Variants in RFX7 observed in about 807,000 individuals in gnomAD.
RFX7 encodes DNA-binding protein RFX7.
Under a neutral mutation model 111.8 loss-of-function variants are expected in RFX7, and 26 were observed. The ratio of observed to expected loss-of-function variants is 0.23; its 90% CI spans 0.17 to 0.32. RFX7 has a LOEUF of 0.32. RFX7 is among the 10% of genes least tolerant of loss of function. The probability of loss-of-function intolerance (pLI) is 1.00; values close to 1 mark genes in which losing one functional copy is unlikely to be tolerated. For synonymous variants in RFX7, 624 were observed against 624.4 expected, an observed-to-expected ratio of 1.00 and a Z score of 0.01; for missense variants, 1,573 against 1,772.9, an observed-to-expected ratio of 0.89 and a Z score of 2.02.
intron 6 of RFX7, among the ~76,000 whole-genome samples, chr15:56,102,768 G>A (rs1312246371): frequency 5.3e-5 from 8 of 152,246 alleles, no homozygotes; most frequent in Admixed American, 1.3e-4. Context: ...AGAATAGGTC[G>A]TGCCAACTAG....
intron 2 of RFX7, among the ~76,000 whole-genome samples, chr15:56,227,779 T>C (rs1212248257): frequency 2.0e-5 from 3 of 152,140 alleles, no homozygotes; most frequent in Non-Finnish European, 2.9e-5. Context: ...ATAAAAGGTG[T>C]TATTTTATTT....
chr15:56,129,082 G>C (rs1216890293), intron 5 of RFX7, among the ~76,000 whole-genome samples: 1 of 152,036 alleles, frequency 6.6e-6, no homozygotes, highest in African/African-American at 2.4e-5. Context: ...TTTTTTCCTA[G>C]GTTAAAAACA....
intron 2 of RFX7, among the ~76,000 whole-genome samples, chr15:56,187,313 T>C (rs1277942447): frequency 6.6e-6 from 1 of 151,414 alleles, no homozygotes; most frequent in Non-Finnish European, 1.5e-5. Context: ...TGGGTTCAAG[T>C]GATTCTCCTG....
chr15:56,236,462 C>CTA (rs748142425), intron 2 of RFX7, among the ~76,000 whole-genome samples: 14 of 152,050 alleles, frequency 9.2e-5, no homozygotes, highest in East Asian at 5.8e-4. Flanking sequence ...GAGAAAGCAA[C>CTA]TAAAAGACTA....
Position 56,096,241 on chromosome 15 carries a change from C to T in RFX7, c.1487G>A (p.Ser496Asn), listed in dbSNP as rs756035658. 5 of 1,613,950 alleles carry T rather than the reference C, an allele frequency of 3.1e-6. No homozygotes were observed. Among genetic ancestry groups the T allele is most frequent in the Non-Finnish European group, 4.2e-6 (5 of 1,179,854 alleles). The stretch of plus-strand genomic sequence containing the variant: ...TTCTTCTGTTGTTCCTGTAGCACTG[C>T]TGACTGAGGCAGAATGTTTAAGAGG... Reference protein sequence around the residue: ...NTPLKHSASVSSATGTTEESR... With the variant: ...NTPLKHSASVNSATGTTEESR... The change falls in exon 10 of 10, where the codon AGC becomes AAC. Residue 496 changes from serine (S) to asparagine (N), a missense_variant. Ser to Asn is a conservative substitution (Grantham distance 46). Around this residue, in one of 7 missense-constraint regions of RFX7, gnomAD observed 625 missense variants for 632.2 expected, o/e 0.99. Coordinates refer to ENST00000559447, the MANE Select transcript of RFX7 (RefSeq NM_022841.7).
At chr15:56,133,848 T>G (rs773098629) in intron 5 of RFX7, among the ~76,000 whole-genome samples, 1 of 152,162 alleles carries the variant, frequency 6.6e-6, no homozygotes, top group Non-Finnish European at 1.5e-5. Flanking sequence ...ACAGAACAAC[T>G]TGAAGCTTCT....
chr15:56,243,335 G>A (rs1236225956), intron 1 of RFX7, 48 bp from the exon 2 acceptor site: 9 of 1,034,594 alleles, frequency 8.7e-6, no homozygotes, highest in Non-Finnish European at 1.1e-5. Context: ...GCGCGGGGAA[G>A]GGTGAGGGAA....
At chr15:56,209,168 C>A (rs776831675) in intron 2 of RFX7, among the ~76,000 whole-genome samples, 17 of 151,550 alleles carry the variant, frequency 1.1e-4, no homozygotes, top group Non-Finnish European at 2.4e-4. Context: ...GAGAAAAAAT[C>A]TTGAAAGAAG....
chr15:56,201,806 A>G (rs1383022453), intron 2 of RFX7, among the ~76,000 whole-genome samples: 1 of 152,082 alleles, frequency 6.6e-6, no homozygotes, highest in Non-Finnish European at 1.5e-5. Context: ...CGAGATGGGC[A>G]GATCACGAGG....
chr15:56,235,920 C>T (rs1259299525), intron 2 of RFX7, among the ~76,000 whole-genome samples: 1 of 152,008 alleles, frequency 6.6e-6, no homozygotes, highest in Admixed American at 6.5e-5. Flanking sequence ...GTAGTGTGTA[C>T]CATATGGACT....
At chr15:56,229,820 T>G (rs1248132834) in intron 2 of RFX7, among the ~76,000 whole-genome samples, 2 of 152,068 alleles carry the variant, frequency 1.3e-5, no homozygotes, top group Admixed American at 1.3e-4. Context: ...AGCAAGATCT[T>G]TGGACCCCTG....
At chr15:56,240,603 T>C (rs1309047879) in intron 2 of RFX7, among the ~76,000 whole-genome samples, 1 of 152,124 alleles carries the variant, frequency 6.6e-6, no homozygotes, top group Admixed American at 6.5e-5. Context: ...TACAGACTTG[T>C]TTGTGATATG....
At chr15:56,209,204 T>C (rs1327493854) in intron 2 of RFX7, among the ~76,000 whole-genome samples, 2 of 150,806 alleles carry the variant, frequency 1.3e-5, no homozygotes, top group Middle Eastern at 3.4e-3. Flanking sequence ...ACCATACCTA[T>C]ACAGGAGCCA....
At chr15:56,191,628 G>A (rs2043101317) in intron 2 of RFX7, among the ~76,000 whole-genome samples, 1 of 151,820 alleles carries the variant, frequency 6.6e-6, no homozygotes, top group South Asian at 2.1e-4. Flanking sequence ...AATTTTGACA[G>A]ACTAAAAGAC....
In RFX7 at chr15:56,159,694, A is replaced by G. The variant is rs555672307; in HGVS notation, c.196-15211T>C. Among the ~76,000 whole-genome samples, 15 of 152,294 alleles carry G rather than the reference A, an allele frequency of 9.8e-5. 1 individual carries two copies. Among genetic ancestry groups the G allele is most frequent in the African/African-American group, 3.4e-4 (14 of 41,578 alleles). ...AAAGAAATACCTGAAACAATATTCT[A>G]TATTGCAAATACTAATTTTTCGGTG... On this transcript the variant is annotated intron_variant, in intron 3 of 9. Coordinates refer to ENST00000559447, the MANE Select transcript of RFX7 (RefSeq NM_022841.7).
In RFX7 at chr15:56,094,537, C is replaced by T; in HGVS notation, c.3191G>A (p.Trp1064Ter). The T allele has an allele frequency of 6.2e-7, 1 of 1,613,922 alleles. No individual in the cohort carries two copies. The highest frequency in any genetic ancestry group is 8.5e-7 in the Non-Finnish European group (1 of 1,179,864). ...ATHPDKTKLE[W>*]MNNGYSGVGN... ...AACCCCACTATACCCATTATTCATCCATTCAAGCTTGGTTTTGTCAGGGTG... is the reference window on the plus strand; with the variant it reads ...AACCCCACTATACCCATTATTCATCTATTCAAGCTTGGTTTTGTCAGGGTG... The change falls in exon 10 of 10, where the codon TGG becomes TAG. Residue 1064 changes from tryptophan to a stop codon, truncating the protein, a stop_gained. Coordinates refer to ENST00000559447, the MANE Select transcript of RFX7 (RefSeq NM_022841.7). LOFTEE classifies it high-confidence loss of function.
chr15:56,205,526 A>C (rs1227458006), intron 2 of RFX7, among the ~76,000 whole-genome samples: 2 of 152,194 alleles, frequency 1.3e-5, no homozygotes, highest in African/African-American at 4.8e-5. Flanking sequence ...ATGTTGACAC[A>C]AGTTTGACTA....
intron 3 of RFX7, among the ~76,000 whole-genome samples, chr15:56,167,594 A>T (rs1315477785): frequency 6.6e-6 from 1 of 152,240 alleles, no homozygotes; most frequent in Non-Finnish European, 1.5e-5. Context: ...ATTTAGTTTA[A>T]GATATGCTGC....
intron 2 of RFX7, among the ~76,000 whole-genome samples, chr15:56,184,482 T>G (rs1328240835): frequency 6.6e-6 from 1 of 152,120 alleles, no homozygotes; most frequent in African/African-American, 2.4e-5. Flanking sequence ...TAATAAAGAG[T>G]AGCAGTGATA....
Sources: gnomAD v4.1 joint callset for allele counts (sites outside exome capture counted in the v4.1 genomes callset) on GRCh38, gnomAD v4.1.1 for gene constraint, gnomAD v4.1.1 regional missense constraint, MANE v1.5 for transcripts, NCBI Gene and HGNC (gene_info 2026-07-23, HGNC 2026-07-21) for gene names.